Variants in SLC24A4 observed in about 807,000 individuals in gnomAD.
The protein encoded by SLC24A4 is sodium/potassium/calcium exchanger 4.
A neutral mutation model predicts 79.0 loss-of-function variants in SLC24A4; 53 were observed. The ratio of observed to expected loss-of-function variants is 0.67; its 90% confidence interval spans 0.54 to 0.84. The LOEUF is 0.84. Ranked by LOEUF, SLC24A4 falls within the 40% of genes least tolerant of loss-of-function variation. SLC24A4 has a pLI of 0.00. For missense variants in SLC24A4, 731 were observed against 822.0 expected (o/e 0.89, Z 1.35); for synonymous variants, 323 against 323.8 (o/e 1.00, Z 0.03).
chr14:92,364,908 C>T (rs1159600989), intron 2 of SLC24A4, among the ~76,000 whole-genome samples: 1 of 152,230 alleles, frequency 6.6e-6, no homozygotes, highest in African/African-American at 2.4e-5. Context: ...CCTCCCTGCA[C>T]CCCAGCAACC....
chr14:92,476,943 C>G (rs1471026263), intron 12 of SLC24A4, among the ~76,000 whole-genome samples: 1 of 152,042 alleles, frequency 6.6e-6, no homozygotes, highest in Non-Finnish European at 1.5e-5. Context: ...TTTGTTTATC[C>G]ATTCATCACT....
At chr14:92,324,845 G>C (rs565877537) in intron 1 of SLC24A4, among the ~76,000 whole-genome samples, 1 of 152,258 alleles carries the variant, frequency 6.6e-6, no homozygotes, top group South Asian at 2.1e-4. Flanking sequence ...GTACCTTCTT[G>C]AGCAGTTAGA....
chr14:92,341,050 G>GT (rs2141616936), intron 2 of SLC24A4, among the ~76,000 whole-genome samples: 1 of 152,326 alleles, frequency 6.6e-6, no homozygotes, highest in South Asian at 2.1e-4. Context: ...CCTCAGATGA[G>GT]TATGCAGGGA....
intron 2 of SLC24A4, among the ~76,000 whole-genome samples, chr14:92,391,785 C>T (rs1324172828): frequency 6.6e-6 from 1 of 152,262 alleles, no homozygotes; most frequent in Admixed American, 6.5e-5. Context: ...AGCGGCCATG[C>T]TCTGAGCAGC....
rs947293953 is a variant in SLC24A4 at position 92,490,524 on chromosome 14, A to G, written c.1538-1141A>G. ...AGAGCATACAATCCGATATCCTGTG[A>G]TTCCCAGGCAGGGTCGTGGGTGCTG... On this transcript the variant is annotated intron_variant, in intron 14 of 16. Coordinates refer to ENST00000532405, the MANE Select transcript of SLC24A4 (RefSeq NM_153646.4). This position sits in a 1 kb window ranked among gnomAD's most constrained non-coding sequence, Gnocchi z 4.3. Among the ~76,000 whole-genome samples, 1 of 152,186 alleles carries G rather than the reference A, an allele frequency of 6.6e-6. No homozygotes were observed. Among genetic ancestry groups the G allele is most frequent in the Non-Finnish European group, 1.5e-5 (1 of 68,032 alleles).
chr14:92,339,049 C>A (rs1885976123), intron 2 of SLC24A4, among the ~76,000 whole-genome samples: 1 of 152,180 alleles, frequency 6.6e-6, no homozygotes, highest in South Asian at 2.1e-4. Context: ...CCTGTCGGTG[C>A]CTTGGGGAAG....
At chr14:92,432,534 A>G (rs572455341) in intron 2 of SLC24A4, among the ~76,000 whole-genome samples, 1 of 152,256 alleles carries the variant, frequency 6.6e-6, no homozygotes, top group East Asian at 1.9e-4. Flanking sequence ...TGGCCTCAAC[A>G]ATGCCGAGTC....
At position 92,326,075 on chromosome 14, in the gene SLC24A4, G is replaced by A. The variant is rs572243905; in HGVS notation, c.241+97G>A. 2.5e-4 allele frequency: 207 copies of A among 821,552 alleles called. No homozygotes were observed. The African/African-American group carries it at 3.3e-3, about 13-fold the overall frequency. The allele number at this position is 821,552 out of a possible 1,614,324, so 50.9% of individuals were successfully genotyped here. A position where few individuals can be genotyped will look rare whatever the true frequency, so the allele number is the denominator to read the frequency against. Reference sequence around the variant, plus strand: ...GTGGTTACAGCCAGAGCTGAGAAAGGTGGTTTATGGACTTGAGTGGGAAAG... The same window carrying A: ...GTGGTTACAGCCAGAGCTGAGAAAGATGGTTTATGGACTTGAGTGGGAAAG... On this transcript the variant is annotated intron_variant, in intron 2 of 16. Transcript: ENST00000532405.
intron 2 of SLC24A4, among the ~76,000 whole-genome samples, chr14:92,383,079 C>T (rs1888946138): frequency 6.6e-6 from 1 of 152,170 alleles, no homozygotes; most frequent in African/African-American, 2.4e-5. Flanking sequence ...TGGCCGGCTG[C>T]CTGCTCGCTT....
intron 2 of SLC24A4, among the ~76,000 whole-genome samples, chr14:92,362,892 GTGCTGGATGCC>G (rs1178700594): frequency 6.6e-6 from 1 of 152,250 alleles, no homozygotes; most frequent in Non-Finnish European, 1.5e-5. Context: ...CAGTCAGCCA[GTGCTGGATGCC>G]TGCTGGATGC....
intron 2 of SLC24A4, among the ~76,000 whole-genome samples, chr14:92,410,966 T>A (rs1052927276): frequency 2.0e-5 from 3 of 152,206 alleles, no homozygotes; most frequent in African/African-American, 7.2e-5. Flanking sequence ...CATATACCCG[T>A]GGGAAGTGTG....
At position 92,454,575 on chromosome 14, in the gene SLC24A4, G is replaced by A. The variant is rs920889859; in HGVS notation, c.1050+506G>A. ...TGTATAAACAGTATAGCAAAGATAG[G>A]TTCATTGCTCACCAACTTTTCCAGT... On this transcript the variant is annotated intron_variant, in intron 11 of 16. Transcript: ENST00000532405. Among the ~76,000 whole-genome samples, 60 of 152,292 alleles carry A rather than the reference G, an allele frequency of 3.9e-4. 1 individual carries two copies. The highest frequency in any genetic ancestry group is 3.4e-3 in the Middle Eastern group (1 of 294).
At chr14:92,436,574 C>A (rs1379267589) in intron 3 of SLC24A4, among the ~76,000 whole-genome samples, 1 of 152,230 alleles carries the variant, frequency 6.6e-6, no homozygotes, top group Non-Finnish European at 1.5e-5. Flanking sequence ...TAACCCTTTA[C>A]AGAAAAAATT....
intron 2 of SLC24A4, among the ~76,000 whole-genome samples, chr14:92,331,104 CTT>C (rs1885450460): frequency 6.6e-6 from 1 of 152,122 alleles, no homozygotes; most frequent in Admixed American, 6.6e-5. Context: ...CTGTGACTGA[CTT>C]TTGGAGTATC....
At chr14:92,463,928 T>C (rs7152488) in intron 12 of SLC24A4, among the ~76,000 whole-genome samples, 152,283 of 152,348 alleles carry the variant, frequency 1, 76,109 homozygotes, top group Non-Finnish European at 1. Context: ...TGGCTTCCTT[T>C]ACCTAACATG....
intron 2 of SLC24A4, among the ~76,000 whole-genome samples, chr14:92,420,475 C>G (rs954971096): frequency 6.6e-6 from 1 of 150,554 alleles, no homozygotes; most frequent in African/African-American, 2.4e-5. Flanking sequence ...GAGACTCTGT[C>G]TCAAAAAAAA....
chr14:92,424,195 A>G (rs763056154), intron 2 of SLC24A4, among the ~76,000 whole-genome samples: 24 of 152,018 alleles, frequency 1.6e-4, no homozygotes, highest in Non-Finnish European at 3.1e-4. Context: ...CTCTGCAAAG[A>G]CCTTATGTTA....
At chr14:92,447,910 A>G (rs1892894594) in intron 9 of SLC24A4, among the ~76,000 whole-genome samples, 1 of 152,256 alleles carries the variant, frequency 6.6e-6, no homozygotes. Flanking sequence ...AACTCAGGCT[A>G]TGCCACCTTG....
chr14:92,362,696 C>T (rs996463166), intron 2 of SLC24A4, among the ~76,000 whole-genome samples: 4 of 152,226 alleles, frequency 2.6e-5, no homozygotes, highest in Non-Finnish European at 5.9e-5. Context: ...CCCCCCGAGG[C>T]GGCACCAGTG....
Sources: allele counts gnomAD v4.1 joint callset (sites outside exome capture counted in the v4.1 genomes callset), GRCh38; gene constraint gnomAD v4.1.1; non-coding constraint Gnocchi (gnomAD v3.1); transcripts MANE v1.5; gene names NCBI Gene and HGNC (gene_info 2026-07-23, HGNC 2026-07-21).